SNX25: variants seen among roughly 807,000 people sequenced by gnomAD.
SNX25 encodes sorting nexin 25.
In SNX25, 62 loss-of-function variants were observed where a neutral mutation model predicts 113.7. That is an observed-to-expected ratio of 0.55 (90% CI 0.44 to 0.67). The LOEUF (loss-of-function observed/expected upper bound fraction) is 0.67, where lower values mean the gene tolerates loss of function less well. SNX25 is among the 30% of genes least tolerant of loss of function. The probability of loss-of-function intolerance (pLI) is 0.00; values close to 1 mark genes in which losing one functional copy is unlikely to be tolerated. For synonymous variants in SNX25, 421 were observed against 436.2 expected (o/e 0.97, Z 0.43); for missense variants, 1,014 against 1,161.0 (o/e 0.87, Z 1.84).
At chr4:185,204,425 G>C (rs1737096288) in exon 1 of SNX25, 1 of 152,250 alleles carries the variant, frequency 6.6e-6, no homozygotes, top group Non-Finnish European at 1.5e-5. Flanking sequence ...TGGACCAGAG[G>C]CTGGTTTCAG....
intron 13 of SNX25, among the ~76,000 whole-genome samples, chr4:185,349,537 A>G (rs2095305222): frequency 6.6e-6 from 1 of 152,222 alleles, no homozygotes; most frequent in Non-Finnish European, 1.5e-5. Context: ...CCAACAGTGT[A>G]CAAGGGTTCC....
intron 1 of SNX25, among the ~76,000 whole-genome samples, chr4:185,218,369 G>C (rs1739229213): frequency 6.6e-6 from 1 of 152,254 alleles, no homozygotes; most frequent in Admixed American, 6.5e-5. Context: ...ACAGGCATGA[G>C]CCACCACTCC....
At chr4:185,298,975 G>A (rs905882088) in intron 6 of SNX25, among the ~76,000 whole-genome samples, 8 of 152,124 alleles carry the variant, frequency 5.3e-5, no homozygotes, top group Non-Finnish European at 1.2e-4. Flanking sequence ...TTGTGTATTA[G>A]GTACAGCAGT....
At chr4:185,368,852 G>A (rs952884182), downstream of SNX25, among the ~76,000 whole-genome samples, 6 of 150,174 alleles carry the variant, frequency 4.0e-5, no homozygotes, top group East Asian at 2.0e-4. Flanking sequence ...GGAGTGCAGC[G>A]GCACAGCCTC....
At chr4:185,220,985 C>A (rs1340095594) in intron 1 of SNX25, among the ~76,000 whole-genome samples, 1 of 151,956 alleles carries the variant, frequency 6.6e-6, no homozygotes, top group Non-Finnish European at 1.5e-5. Flanking sequence ...ATGCCTCACT[C>A]CCCCGCCAAT....
chr4:185,267,021 G>C lies in SNX25; in HGVS notation c.957G>C (p.Met319Ile), dbSNP rs760998326. 1.2e-6 allele frequency: 2 copies of C among 1,613,924 alleles called. No homozygotes were observed. The highest frequency in any genetic ancestry group is 1.7e-6 in the Non-Finnish European group (2 of 1,179,886). ...GTAATCCAGATTACATTAACCAAAT[G>C]CTGCTTGCCCAGCTGGCGTACAGAG... ...LLSNPDYINQMLLAQLAYREQ... is the reference protein window; with the variant it reads ...LLSNPDYINQILLAQLAYREQ... Residue 319 changes from methionine (M) to isoleucine (I), a missense_variant, in exon 5 of 19, where the codon ATG becomes ATC. Coordinates refer to ENST00000652585, the MANE Select transcript of SNX25 (RefSeq NM_001378034.2).
At chr4:185,244,328 T>A (rs2126475270) in intron 1 of SNX25, among the ~76,000 whole-genome samples, 1 of 152,400 alleles carries the variant, frequency 6.6e-6, no homozygotes, top group South Asian at 2.1e-4. Flanking sequence ...GCTTTGGTTT[T>A]ATCATTTGAT....
chr4:185,210,234 AGCCGCCC>A lies in SNX25; in HGVS notation c.420_426del (p.Pro141GlyfsTer17). 1 of 984,638 alleles carries A rather than the reference AGCCGCCC, an allele frequency of 1.0e-6. No individual in the cohort carries two copies. The highest frequency in any genetic ancestry group is 1.2e-6 in the Non-Finnish European group (1 of 829,954). 61.0% of individuals were successfully genotyped at this position (984,638 alleles called of 1,614,324 possible). ...CCTGGAGCCGGCTGGCCGCGACCTC[AGCCGCCC>A]GCCGCCCGCCGGGGGTAAGTACCCG... On this transcript the variant is annotated frameshift_variant, in exon 1 of 19. Transcript: ENST00000652585. LOFTEE classifies it high-confidence loss of function. This position sits in a 1 kb window ranked among gnomAD's most constrained non-coding sequence, Gnocchi z 4.4.
chr4:185,220,398 CA>C (rs1739599514), intron 1 of SNX25, among the ~76,000 whole-genome samples: 1 of 151,624 alleles, frequency 6.6e-6, no homozygotes, highest in African/African-American at 2.4e-5. Context: ...CGTCATTTAG[CA>C]TTAGGTATAT....
chr4:185,328,918 G>A (rs1396898352), intron 9 of SNX25, among the ~76,000 whole-genome samples: 1 of 152,120 alleles, frequency 6.6e-6, no homozygotes, highest in African/African-American at 2.4e-5. Context: ...GGTTTGAACA[G>A]GCGAGGAGCA....
At chr4:185,206,660 C>CAAAA (rs375061067), upstream of SNX25, among the ~76,000 whole-genome samples, 31,600 of 76,954 alleles carry the variant, frequency 0.41, 6,582 homozygotes, top group East Asian at 0.57. Flanking sequence ...ACTCTTGTCT[C>CAAAA]AAAAAAAAAA....
chr4:185,372,987 C>T, downstream of SNX25: 1 of 1,614,028 alleles, frequency 6.2e-7, no homozygotes, highest in Non-Finnish European at 8.5e-7. Flanking sequence ...CCGTATCCTG[C>T]CGGATGCCTT....
At chr4:185,346,105 T>C (rs964025180) in intron 12 of SNX25, among the ~76,000 whole-genome samples, 1 of 152,212 alleles carries the variant, frequency 6.6e-6, no homozygotes, top group Non-Finnish European at 1.5e-5. Context: ...GTGATCCAGC[T>C]TCCTTGGCCT....
At chr4:185,341,092 T>C (rs2095257628) in intron 11 of SNX25, among the ~76,000 whole-genome samples, 1 of 152,230 alleles carries the variant, frequency 6.6e-6, no homozygotes, top group Non-Finnish European at 1.5e-5. Context: ...TATTGACTCC[T>C]TCTCTCTCAT....
intron 4 of SNX25, 65 bp downstream of exon 4, chr4:185,264,675 C>T (rs183193784): frequency 4.7e-6 from 7 of 1,490,510 alleles, no homozygotes; most frequent in African/African-American, 1.4e-5. Flanking sequence ...ACATGCAGAC[C>T]TTGTTTACTG....
At chr4:185,340,788 G>C (rs1207016986) in intron 11 of SNX25, among the ~76,000 whole-genome samples, 2 of 152,166 alleles carry the variant, frequency 1.3e-5, no homozygotes, top group African/African-American at 4.8e-5. Context: ...TCTGTGCCCT[G>C]GCCGTCAGTT....
chr4:185,350,861 C>CA (rs955112681), intron 13 of SNX25, among the ~76,000 whole-genome samples: 18 of 150,838 alleles, frequency 1.2e-4, no homozygotes, highest in Non-Finnish European at 2.7e-4. Context: ...GACTCCGTCT[C>CA]AAAAAAAAAG....
At chr4:185,315,443 A>G (rs1201267625) in intron 7 of SNX25, among the ~76,000 whole-genome samples, 4 of 151,520 alleles carry the variant, frequency 2.6e-5, no homozygotes, top group Non-Finnish European at 5.9e-5. Flanking sequence ...ACAGGCGTGC[A>G]CCACCACGCC....
chr4:185,254,440 C>T (rs1746104014), intron 2 of SNX25, among the ~76,000 whole-genome samples: 1 of 152,138 alleles, frequency 6.6e-6, no homozygotes, highest in Non-Finnish European at 1.5e-5. Flanking sequence ...GGGGCTGTAC[C>T]TCATGGGCAG....
Sources: gnomAD v4.1 joint callset for allele counts (sites outside exome capture counted in the v4.1 genomes callset) on GRCh38, gnomAD v4.1.1 for gene constraint, Gnocchi (gnomAD v3.1) non-coding constraint, MANE v1.5 for transcripts, NCBI Gene and HGNC (gene_info 2026-07-23, HGNC 2026-07-21) for gene names.